The following GRIN1 variants were observed in gnomAD, a reference collection of about 807,000 sequenced individuals.
GRIN1 encodes the protein glutamate receptor ionotropic, NMDA 1.
A neutral mutation model predicts 103.0 loss-of-function variants in GRIN1; 38 were observed. The ratio of observed to expected loss-of-function variants is 0.37; its 90% confidence interval spans 0.28 to 0.48. GRIN1 has a LOEUF of 0.48. Ranked by LOEUF, GRIN1 falls within the 20% of genes least tolerant of loss-of-function variation. GRIN1 has a pLI of 0.98. For synonymous variants in GRIN1, 544 were observed against 532.7 expected (o/e 1.02, Z -0.29); for missense variants, 577 against 1,288.9 (o/e 0.45, Z 8.46).
intron 9 of GRIN1, 38 bp downstream of exon 9, chr9:137,161,235 G>A: frequency 6.2e-7 from 1 of 1,608,928 alleles, no homozygotes; most frequent in South Asian, 1.1e-5. Flanking sequence ...GCGGGGCAGG[G>A]CGCGGGGCGT....
chr9:137,148,925 C>T, intron 3 of GRIN1, 84 bp from the exon 4 acceptor site: 1 of 1,006,492 alleles, frequency 9.9e-7, no homozygotes, highest in South Asian at 1.4e-5. Flanking sequence ...CTCGGGGTTC[C>T]CAGCGGCTCC....
chr9:137,165,327 C>T lies in GRIN1; in HGVS notation c.2700+31C>T, dbSNP rs200443011. On this transcript the variant is annotated intron_variant, in intron 19 of 19. Transcript: ENST00000371561. ...GGGGAGAGCACCCCAGTCCCGCGTC[C>T]GACTCCACCTGCCCTGCCCTGCGTG... 213 of 1,318,650 alleles carry T rather than the reference C, an allele frequency of 1.6e-4. 1 individual carries two copies. In the African/African-American group the frequency reaches 2.8e-3, roughly 18 times the overall value. The allele number at this position is 1,318,650 out of a possible 1,614,324, so 81.7% of individuals were successfully genotyped here.
chr9:137,139,523 T>G lies in GRIN1; in HGVS notation c.37T>G (p.Phe13Val). 6.2e-7 allele frequency: 1 copy of G among 1,605,814 alleles called. No homozygotes were observed. ...GCGCCTGCTGACGCTCGCCCTGCTGTTCTCCTGCTCCGTCGCCCGTGCCGC... is the reference window on the plus strand; with the variant it reads ...GCGCCTGCTGACGCTCGCCCTGCTGGTCTCCTGCTCCGTCGCCCGTGCCGC... Reference protein sequence around the residue: ...TMRLLTLALLFSCSVARAACD... With the variant: ...TMRLLTLALLVSCSVARAACD... Residue 13 changes from phenylalanine (F) to valine (V), a missense_variant, in exon 1 of 20, where the codon TTC becomes GTC. By Grantham distance (50) the Phe-to-Val change is conservative. This residue lies in a region of GRIN1 where 308 missense variants were observed against 553.6 expected (regional missense o/e 0.56). Coordinates refer to ENST00000371561, the MANE Select transcript of GRIN1 (RefSeq NM_007327.4). The surrounding 1 kb of genome is among the most constrained non-coding windows in gnomAD (Gnocchi z 7.7).
rs1220490368 is a variant in GRIN1 at position 137,145,643 on chromosome 9, C to T, written c.394-83C>T. On this transcript the variant is annotated intron_variant, in intron 2 of 19. Coordinates refer to ENST00000371561, the MANE Select transcript of GRIN1 (RefSeq NM_007327.4). ...GAGGAGGGGGGTTCCCAGCCTCCGGCGGGTGTTCCGGCAGTGGGAGGCGGG... is the reference window on the plus strand; with the variant it reads ...GAGGAGGGGGGTTCCCAGCCTCCGGTGGGTGTTCCGGCAGTGGGAGGCGGG... The T allele has an allele frequency of 5.6e-5, 53 of 941,766 alleles. No homozygotes were observed. The Admixed American group carries it at 6.6e-4, about 12-fold the overall frequency. 58.3% of individuals were successfully genotyped at this position (941,766 alleles called of 1,614,324 possible). A position where few individuals can be genotyped will look rare whatever the true frequency, so the allele number is the denominator to read the frequency against.
chr9:137,151,193 A>G (rs1832879246), intron 4 of GRIN1, among the ~76,000 whole-genome samples: 1 of 134,708 alleles, frequency 7.4e-6, no homozygotes, highest in Non-Finnish European at 1.6e-5. Flanking sequence ...ACCCGCCCAG[A>G]AAAAAGTCCC....
intron 19 of GRIN1, among the ~76,000 whole-genome samples, chr9:137,166,190 C>T (rs1833869820): frequency 2.6e-5 from 4 of 152,314 alleles, no homozygotes; most frequent in Middle Eastern, 3.4e-3. Context: ...CCCCAGCAAC[C>T]CCACAAGGCC....
Position 137,163,918 on chromosome 9 carries a change from C to T in GRIN1, c.2589+14C>T. 6.2e-7 allele frequency: 1 copy of T among 1,611,930 alleles called. No individual in the cohort carries two copies. On this transcript the variant is annotated intron_variant, in intron 18 of 19. Transcript: ENST00000371561. ...AAGAACCTGCAGGTAGGGCAGGCCA[C>T]CCTCCGAGGCCTGGTGCCCAGGGCC...
intron 4 of GRIN1, 50 bp from the exon 5 acceptor site, chr9:137,156,619 C>G: frequency 6.3e-7 from 1 of 1,583,436 alleles, no homozygotes; most frequent in Non-Finnish European, 8.6e-7. Context: ...TGCGGAGCGC[C>G]GCGGTGGGAG....
chr9:137,158,278 G>A, intron 6 of GRIN1, 101 bp from the exon 7 acceptor site: 1 of 1,297,982 alleles, frequency 7.7e-7, no homozygotes, highest in Non-Finnish European at 1.1e-6. Context: ...CAGGGAGAAG[G>A]AGCAGGGGGA....
intron 4 of GRIN1, among the ~76,000 whole-genome samples, chr9:137,156,168 G>A (rs1833203690): frequency 6.6e-6 from 1 of 152,146 alleles, no homozygotes; most frequent in Non-Finnish European, 1.5e-5. Flanking sequence ...CATAATCCCC[G>A]TAAAACACTT....
At chr9:137,166,473 A>C (rs1271082997) in intron 19 of GRIN1, among the ~76,000 whole-genome samples, 3 of 152,232 alleles carry the variant, frequency 2.0e-5, no homozygotes, top group Non-Finnish European at 4.4e-5. Flanking sequence ...CACCAGAGAG[A>C]AGCTTACGCC....
chr9:137,168,161 ACGGCAGCCCCATCCTTC>A lies in GRIN1; in HGVS notation c.*636_*652del. 1 of 469,446 alleles carries A rather than the reference ACGGCAGCCCCATCCTTC, an allele frequency of 2.1e-6. No homozygotes were observed. The highest frequency in any genetic ancestry group is 2.4e-5 in the South Asian group (1 of 42,438). 29.1% of individuals were successfully genotyped at this position (469,446 alleles called of 1,614,324 possible). A position where few individuals can be genotyped will look rare whatever the true frequency, so the allele number is the denominator to read the frequency against. ...CCAGGCGGAGGGGCTTGGAGCAGAGACGGCAGCCCCATCCTTCCCGCAGCACCAGCCTGAGCCACAGT... is the reference window on the plus strand; with the variant it reads ...CCAGGCGGAGGGGCTTGGAGCAGAGACCGCAGCACCAGCCTGAGCCACAGT... On this transcript the variant is annotated 3_prime_UTR_variant, in exon 20 of 20. Coordinates refer to ENST00000371561, the MANE Select transcript of GRIN1 (RefSeq NM_007327.4).
intron 8 of GRIN1, among the ~76,000 whole-genome samples, chr9:137,159,856 G>A (rs1024557057): frequency 1.3e-5 from 2 of 152,192 alleles, no homozygotes; most frequent in African/African-American, 4.8e-5. Flanking sequence ...CCCTGCCTAG[G>A]ACATGCCGGG....
intron 4 of GRIN1, among the ~76,000 whole-genome samples, chr9:137,150,798 C>A (rs1213183696): frequency 2.7e-5 from 4 of 146,154 alleles, no homozygotes; most frequent in Non-Finnish European, 4.5e-5. Flanking sequence ...AAAAAGACCG[C>A]CCAGGGAAAG....
chr9:137,167,834 G>A lies in GRIN1; in HGVS notation c.*307G>A. The A allele has an allele frequency of 1.9e-6, 3 of 1,612,090 alleles. No individual in the cohort carries two copies. Among genetic ancestry groups the A allele is most frequent in the Non-Finnish European group, 2.5e-6 (3 of 1,179,576 alleles). On this transcript the variant is annotated 3_prime_UTR_variant, in exon 20 of 20. Coordinates refer to ENST00000371561, the MANE Select transcript of GRIN1 (RefSeq NM_007327.4). Reference sequence around the variant, plus strand: ...CCTCTCAGATCCCTCGGTCAGCACCGTGGTGTGAGGCCCCCGGAGGCGCCC... The same window carrying A: ...CCTCTCAGATCCCTCGGTCAGCACCATGGTGTGAGGCCCCCGGAGGCGCCC...
At chr9:137,154,789 G>T (rs1224053924) in intron 4 of GRIN1, among the ~76,000 whole-genome samples, 1 of 152,152 alleles carries the variant, frequency 6.6e-6, no homozygotes, top group Non-Finnish European at 1.5e-5. Context: ...GACTGTCAGG[G>T]CTGGAAAGGA....
chr9:137,165,959 G>A lies in GRIN1; in HGVS notation c.2700+663G>A, dbSNP rs986271472. 4.6e-5 allele frequency among the ~76,000 whole-genome samples: 7 copies of A among 152,336 alleles called. No individual in the cohort carries two copies. The South Asian group carries it at 1.2e-3, about 27-fold the overall frequency. Reference sequence around the variant, plus strand: ...GGGGCCTGGAGTTGGAACTGGCCCCGGCCACAGGGGACTGTCAGGCAGGGA... The same window carrying A: ...GGGGCCTGGAGTTGGAACTGGCCCCAGCCACAGGGGACTGTCAGGCAGGGA... On this transcript the variant is annotated intron_variant, in intron 19 of 19. Coordinates refer to ENST00000371561, the MANE Select transcript of GRIN1 (RefSeq NM_007327.4).
intron 1 of GRIN1, among the ~76,000 whole-genome samples, chr9:137,141,788 T>C (rs1455378989): frequency 1.3e-5 from 2 of 152,138 alleles, no homozygotes; most frequent in African/African-American, 4.8e-5. Flanking sequence ...TGCAGGGCCC[T>C]AGTCAGCAGT....
At chr9:137,150,431 A>G (rs920941945) in intron 4 of GRIN1, among the ~76,000 whole-genome samples, 1 of 148,794 alleles carries the variant, frequency 6.7e-6, no homozygotes, top group Non-Finnish European at 1.5e-5. Flanking sequence ...ACCCAGGGAA[A>G]GCTCCACCCA....
Sources: gnomAD v4.1 joint callset for allele counts (sites outside exome capture counted in the v4.1 genomes callset) on GRCh38, gnomAD v4.1.1 for gene constraint, gnomAD v4.1.1 regional missense constraint, Gnocchi (gnomAD v3.1) non-coding constraint, MANE v1.5 for transcripts, NCBI Gene and HGNC (gene_info 2026-07-23, HGNC 2026-07-21) for gene names.